Variants in FAM184B observed in about 807,000 individuals in gnomAD.
The protein encoded by FAM184B is protein FAM184B.
Under a neutral mutation model 135.9 loss-of-function variants are expected in FAM184B, and 111 were observed. The observed-to-expected ratio is 0.82, with a 90% confidence interval of 0.70 to 0.96. The LOEUF (loss-of-function observed/expected upper bound fraction) is 0.96. Among genes scored for constraint, FAM184B ranks in the 40% least tolerant of loss-of-function variants. The pLI, the probability that FAM184B is intolerant of heterozygous loss-of-function variation, is 0.00. For missense variants in FAM184B, 1,375 were observed against 1,323.9 expected (o/e 1.04, Z -0.60); for synonymous variants, 552 against 524.8 (o/e 1.05, Z -0.71).
intron 5 of FAM184B, 103 bp downstream of exon 5, chr4:17,704,897 C>T: frequency 2.1e-6 from 2 of 973,542 alleles, no homozygotes; most frequent in Non-Finnish European, 3.1e-6. Context: ...AGAGCAGGAG[C>T]TCAGTAAATG....
At chr4:17,633,983 G>T (rs1715047284) in intron 16 of FAM184B, 95 bp from the exon 17 acceptor site, 1 of 1,016,580 alleles carries the variant, frequency 9.8e-7, no homozygotes. Flanking sequence ...AATCAAAATT[G>T]TATCGGAGAA....
intron 11 of FAM184B, among the ~76,000 whole-genome samples, chr4:17,651,698 T>C (rs1715622648): frequency 6.6e-6 from 1 of 152,156 alleles, no homozygotes; most frequent in South Asian, 2.1e-4. Context: ...GTGAATGCTA[T>C]TATTATCCTC....
chr4:17,658,457 C>CACGCTGCAGCTT lies in FAM184B; in HGVS notation c.1918_1929dup (p.Lys640_Arg643dup), dbSNP rs1715831504. 2.6e-6 allele frequency: 4 copies of CACGCTGCAGCTT among 1,551,454 alleles called. No homozygotes were observed. The African/African-American group carries it at 4.1e-5, about 16-fold the overall frequency. On this transcript the variant is annotated inframe_insertion, in exon 10 of 18. Coordinates refer to ENST00000265018, the MANE Select transcript of FAM184B (RefSeq NM_015688.2). Reference sequence around the variant, plus strand: ...TTCTGCTGAGTGGTCTCCTGGAGCTCACGCTGCAGCTTCTCCCTCTCCAGG... The same window carrying CACGCTGCAGCTT: ...TTCTGCTGAGTGGTCTCCTGGAGCTCACGCTGCAGCTTACGCTGCAGCTTCTCCCTCTCCAGG...
In FAM184B at chr4:17,639,248, A is replaced by G. The variant is rs1560164394; in HGVS notation, c.2666+2T>C. 6.4e-7 allele frequency: 1 copy of G among 1,551,528 alleles called. No individual in the cohort carries two copies. The highest frequency in any genetic ancestry group is 2.0e-5 in the Admixed American group (1 of 50,988). On this transcript the variant is annotated splice_donor_variant, in intron 14 of 17. Coordinates refer to ENST00000265018, the MANE Select transcript of FAM184B (RefSeq NM_015688.2). LOFTEE classifies it high-confidence loss of function. ...CTCCCTGGGGCCCGAGGCCTCACTT[A>G]CTCGGCTTCCAGGGCAGCCAGCCGG...
At chr4:17,704,009 G>A (rs947525501) in intron 5 of FAM184B, among the ~76,000 whole-genome samples, 1 of 151,880 alleles carries the variant, frequency 6.6e-6, no homozygotes, top group African/African-American at 2.4e-5. Flanking sequence ...CACACAGCTT[G>A]TGTCAGGGTT....
At chr4:17,669,162 G>C (rs1716117791) in intron 7 of FAM184B, among the ~76,000 whole-genome samples, 1 of 152,148 alleles carries the variant, frequency 6.6e-6, no homozygotes, top group African/African-American at 2.4e-5. Context: ...CAGTGAGGTT[G>C]GTTCATTGTT....
rs1343539320 is a variant in FAM184B at position 17,734,158 on chromosome 4, T to C, written c.142-24514A>G. On this transcript the variant is annotated intron_variant, in intron 1 of 17. Coordinates refer to ENST00000265018, the MANE Select transcript of FAM184B (RefSeq NM_015688.2). ...GAAAGCTGAAACTGGATCCCTTCCT[T>C]ACACCTTATACAAAAATTAATTCAA... Among the ~76,000 whole-genome samples the C allele has an allele frequency of 2.0e-5, 3 of 152,326 alleles. No homozygotes were observed. The East Asian group carries it at 5.8e-4, about 29-fold the overall frequency.
chr4:17,687,964 C>A (rs1406829204), intron 7 of FAM184B, among the ~76,000 whole-genome samples: 1 of 152,120 alleles, frequency 6.6e-6, no homozygotes, highest in African/African-American at 2.4e-5. Context: ...CAAACAGGAA[C>A]CAGTTTCTAC....
intron 16 of FAM184B, chr4:17,634,246 CAAT>C: frequency 5.5e-6 from 1 of 183,110 alleles, no homozygotes; most frequent in Non-Finnish European, 1.1e-5. Flanking sequence ...TATTTTGTCA[CAAT>C]GAGGGATACA....
chr4:17,771,110 TCTTGGGTATATAC>T (rs1014707077), intron 1 of FAM184B, among the ~76,000 whole-genome samples: 4 of 152,220 alleles, frequency 2.6e-5, no homozygotes, highest in African/African-American at 9.6e-5. Flanking sequence ...GCGTCATTTC[TCTTGGGTATATAC>T]CTGGGAGTGG....
chr4:17,635,033 C>A lies in FAM184B; in HGVS notation c.2865G>T (p.Pro955=), dbSNP rs757968455. 1.8e-5 allele frequency: 28 copies of A among 1,551,502 alleles called. No individual in the cohort carries two copies. Among genetic ancestry groups the A allele is most frequent in the Middle Eastern group, 3.3e-4 (2 of 6,016 alleles). Residue 955 remains proline (P), a synonymous_variant, in exon 16 of 18, where the codon CCG becomes CCT. Transcript: ENST00000265018. ...RNRSFSFNPH[P]GYLTPSMKKK... is the part of the protein sequence containing the mutation. ...CCTTCATGGAAGGGGTCAAATATCC[C>A]GGGTGAGGATTGAAAGAGAAAGACC...
At chr4:17,749,772 CT>C (rs1256450459) in intron 1 of FAM184B, among the ~76,000 whole-genome samples, 2 of 152,166 alleles carry the variant, frequency 1.3e-5, no homozygotes, top group African/African-American at 4.8e-5. Flanking sequence ...TACTAACACT[CT>C]GGTGTTTCTT....
rs146511140 is a variant in FAM184B at position 17,701,635 on chromosome 4, C to T, written c.1377+3365G>A. On this transcript the variant is annotated intron_variant, in intron 5 of 17. Transcript: ENST00000265018. The stretch of plus-strand genomic sequence containing the variant: ...ACATGACTGAAGCTTCCCAGTCAGG[C>T]GCACCTATCCTGGATTGCAAATCAC... 1.0e-3 allele frequency among the ~76,000 whole-genome samples: 157 copies of T among 152,272 alleles called. 1 individual carries two copies. Among genetic ancestry groups the T allele is most frequent in the African/African-American group, 3.3e-3 (138 of 41,548 alleles).
chr4:17,772,676 G>A (rs1179253158), intron 1 of FAM184B, among the ~76,000 whole-genome samples: 1 of 152,188 alleles, frequency 6.6e-6, no homozygotes, highest in Non-Finnish European at 1.5e-5. Flanking sequence ...TAACTGAAAT[G>A]CAAGACCAAG....
At chr4:17,705,353 A>C in intron 4 of FAM184B, 147 bp from the exon 5 acceptor site, 1 of 683,274 alleles carries the variant, frequency 1.5e-6, no homozygotes, top group Non-Finnish European at 2.4e-6. Context: ...ACAAGACTAT[A>C]TATTTGATGT....
intron 1 of FAM184B, among the ~76,000 whole-genome samples, chr4:17,714,085 T>A (rs548264831): frequency 2.6e-5 from 4 of 152,278 alleles, no homozygotes; most frequent in African/African-American, 9.6e-5. Context: ...CCATATCACT[T>A]CTTTGGGCTG....
At chr4:17,772,327 C>G (rs890709499) in intron 1 of FAM184B, among the ~76,000 whole-genome samples, 1 of 152,224 alleles carries the variant, frequency 6.6e-6, no homozygotes, top group Non-Finnish European at 1.5e-5. Context: ...CCCCCACCCC[C>G]AAAACAGAGA....
At chr4:17,752,271 G>T (rs1718311347) in intron 1 of FAM184B, among the ~76,000 whole-genome samples, 1 of 152,146 alleles carries the variant, frequency 6.6e-6, no homozygotes, top group Non-Finnish European at 1.5e-5. Flanking sequence ...GAGAGATTTT[G>T]ATCCCGTGTC....
intron 1 of FAM184B, among the ~76,000 whole-genome samples, chr4:17,711,191 A>C (rs1717259726): frequency 6.7e-6 from 1 of 148,266 alleles, no homozygotes; most frequent in African/African-American, 2.5e-5. Context: ...TGTCTCTACC[A>C]AAAAAAAAAG....
Sources: gnomAD v4.1 joint callset for allele counts (sites outside exome capture counted in the v4.1 genomes callset) on GRCh38, gnomAD v4.1.1 for gene constraint, MANE v1.5 for transcripts, NCBI Gene and HGNC (gene_info 2026-07-23, HGNC 2026-07-21) for gene names.